RYK: variants seen among roughly 807,000 people sequenced by gnomAD.
RYK encodes the protein receptor like tyrosine kinase.
A neutral mutation model predicts 70.2 loss-of-function variants in RYK; 21 were observed. The observed-to-expected ratio is 0.30, with a 90% CI of 0.21 to 0.43. RYK has a LOEUF of 0.43. RYK is among the 20% of genes least tolerant of loss of function. RYK has a pLI of 1.00. For synonymous variants in RYK, 267 were observed against 278.0 expected, an observed-to-expected ratio of 0.96 and a Z score of 0.39; for missense variants, 604 against 753.3, an observed-to-expected ratio of 0.80 and a Z score of 2.32.
At chr3:134,188,811 G>T in intron 9 of RYK, 26 bp downstream of exon 9, 1 of 1,395,212 alleles carries the variant, frequency 7.2e-7, no homozygotes, top group East Asian at 2.3e-5. Flanking sequence ...GAGCATCATG[G>T]AAATACTATG....
chr3:134,231,122 A>G (rs888880109), intron 1 of RYK, among the ~76,000 whole-genome samples: 2 of 151,912 alleles, frequency 1.3e-5, no homozygotes, highest in South Asian at 4.2e-4. Context: ...TATCAAGAGC[A>G]TCTAGGAGTT....
intron 12 of RYK, 57 bp downstream of exon 12, chr3:134,175,873 C>T: frequency 1.3e-6 from 2 of 1,553,816 alleles, no homozygotes; most frequent in Non-Finnish European, 1.8e-6. Context: ...TCGCAGAGAA[C>T]CCCAAATCCA....
chr3:134,227,244 T>C (rs887829730), intron 1 of RYK, among the ~76,000 whole-genome samples: 7 of 152,122 alleles, frequency 4.6e-5, no homozygotes, highest in African/African-American at 1.7e-4. Flanking sequence ...CACTGAAAAC[T>C]ATAAAACATG....
intron 4 of RYK, among the ~76,000 whole-genome samples, chr3:134,208,741 A>G (rs571256929): frequency 2.6e-5 from 4 of 152,218 alleles, no homozygotes; most frequent in African/African-American, 9.6e-5. Flanking sequence ...TCCTAGCTGC[A>G]CCACTTAGCT....
At chr3:134,235,731 T>C (rs1333813610) in intron 1 of RYK, among the ~76,000 whole-genome samples, 1 of 152,078 alleles carries the variant, frequency 6.6e-6, no homozygotes. Flanking sequence ...ACAGCAGGGG[T>C]TATTACTGTC....
chr3:134,167,563 A>C (rs921636315), intron 13 of RYK, among the ~76,000 whole-genome samples: 1 of 152,222 alleles, frequency 6.6e-6, no homozygotes, highest in Admixed American at 6.5e-5. Flanking sequence ...GTGAAACTGG[A>C]TAGCCATATG....
In RYK at chr3:134,174,452, C is replaced by A. The variant is rs186705972; in HGVS notation, c.1575+1157G>T. On this transcript the variant is annotated intron_variant, in intron 13 of 14. Coordinates refer to ENST00000623711, the MANE Select transcript of RYK (RefSeq NM_002958.4). ...CACACTTTGAAACAAAAGAGTAGCC[C>A]TAAATTTTAAAATATAGACACACAA... Among the ~76,000 whole-genome samples the A allele has an allele frequency of 2.0e-3, 309 of 152,114 alleles. 1 individual carries two copies. Among genetic ancestry groups the A allele is most frequent in the Non-Finnish European group, 1.1e-3 (76 of 67,982 alleles).
chr3:134,236,960 T>C (rs1473058611), intron 1 of RYK, among the ~76,000 whole-genome samples: 1 of 152,180 alleles, frequency 6.6e-6, no homozygotes, highest in Non-Finnish European at 1.5e-5. Flanking sequence ...AGACTTAAAT[T>C]TCCCATTGCC....
rs2012318171 is a variant in RYK at position 134,158,212 on chromosome 3, A to T, written c.1765T>A (p.Phe589Ile). 6.3e-7 allele frequency: 1 copy of T among 1,578,242 alleles called. No homozygotes were observed. Among genetic ancestry groups the T allele is most frequent in the South Asian group, 1.2e-5 (1 of 84,862 alleles). The part of the protein sequence containing the change: ...WALDPEERPK[F>I]QQLVQCLTEF... ...GTTAGGCACTGTACCAGCTGCTGAA[A>T]CTTGGGCCTCTCCTCTGGATCTAAG... Residue 589 changes from phenylalanine to isoleucine, a missense_variant, in exon 15 of 15, where the codon TTT becomes ATT. Transcript: ENST00000623711.
rs1431905899 is a variant in RYK at position 134,188,925 on chromosome 3, TAAAAGG to T, written c.1016-8_1016-3del. On this transcript the variant is annotated splice_polypyrimidine_tract_variant and splice_region_variant and intron_variant, in intron 8 of 14. Coordinates refer to ENST00000623711, the MANE Select transcript of RYK (RefSeq NM_002958.4). ...CATGGAAAATACGCCCAAAAGTACC[TAAAAGG>T]AAAAGTAATAATTAATGAGATCATA... 2.0e-6 allele frequency: 3 copies of T among 1,503,006 alleles called. No homozygotes were observed. In the African/African-American group the frequency reaches 4.2e-5, roughly 21 times the overall value. 93.1% of individuals were successfully genotyped at this position (1,503,006 alleles called of 1,614,324 possible). A position where few individuals can be genotyped will look rare whatever the true frequency, so the allele number is the denominator to read the frequency against.
chr3:134,210,356 C>A (rs1010844237), intron 3 of RYK, among the ~76,000 whole-genome samples: 2 of 152,136 alleles, frequency 1.3e-5, no homozygotes. Flanking sequence ...TGATTTTAAT[C>A]CATAATTGTA....
chr3:134,247,892 T>C (rs1035992399), intron 1 of RYK, among the ~76,000 whole-genome samples: 2 of 152,222 alleles, frequency 1.3e-5, no homozygotes, highest in African/African-American at 4.8e-5. Context: ...GTTCGTTTCC[T>C]ATGCCAGCGT....
At chr3:134,189,731 A>G (rs1200909736) in intron 8 of RYK, among the ~76,000 whole-genome samples, 2 of 127,358 alleles carry the variant, frequency 1.6e-5, no homozygotes, top group Non-Finnish European at 3.2e-5. Context: ...CAACAGAACG[A>G]GACTCCGCCA....
intron 13 of RYK, among the ~76,000 whole-genome samples, chr3:134,172,376 AG>A (rs1335938861): frequency 6.6e-6 from 1 of 152,218 alleles, no homozygotes; most frequent in Non-Finnish European, 1.5e-5. Context: ...CTACAACCAA[AG>A]CCAAACCAAT....
intron 5 of RYK, among the ~76,000 whole-genome samples, chr3:134,206,976 T>C (rs2014230749): frequency 6.6e-6 from 1 of 151,900 alleles, no homozygotes; most frequent in Non-Finnish European, 1.5e-5. Context: ...GATGTCTTCA[T>C]GTCAGAAAAA....
intron 6 of RYK, among the ~76,000 whole-genome samples, chr3:134,202,129 C>T (rs2014046906): frequency 6.6e-6 from 1 of 152,174 alleles, no homozygotes; most frequent in Non-Finnish European, 1.5e-5. Flanking sequence ...GTTCCCAGCA[C>T]TTAGCATAGT....
chr3:134,232,793 G>C (rs2015096786), intron 1 of RYK, among the ~76,000 whole-genome samples: 1 of 152,202 alleles, frequency 6.6e-6, no homozygotes. Flanking sequence ...CTTTTAAGTG[G>C]TAAGTAAGAT....
At chr3:134,179,289 C>G (rs975637725) in intron 10 of RYK, 2 of 152,142 alleles carry the variant, frequency 1.3e-5, no homozygotes, top group Non-Finnish European at 2.9e-5. Context: ...CTTAATTGAG[C>G]ATGTATCACT....
rs374574792 is a variant in RYK, at chr3:134,222,482, G to C, written c.290C>G (p.Ser97Cys). 6.2e-7 allele frequency: 1 copy of C among 1,613,424 alleles called. No homozygotes were observed. Among genetic ancestry groups the C allele is most frequent in the Non-Finnish European group, 8.5e-7 (1 of 1,179,502 alleles). Residue 97 changes from serine (S) to cysteine (C), a missense_variant, in exon 2 of 15, where the codon TCC becomes TGC. Ser to Cys is a moderately radical substitution (Grantham distance 112, BLOSUM62 -1). Transcript: ENST00000623711. ...CTCACTGGGTACTAACAGACTAAAG[G>C]ATAGAGCGTAGTGACTAATAAGGTC... ...RNDLISHYAL[S>C]FSLLVPSETN...
Sources: allele counts gnomAD v4.1 joint callset (sites outside exome capture counted in the v4.1 genomes callset), GRCh38; gene constraint gnomAD v4.1.1; transcripts MANE v1.5; gene names NCBI Gene and HGNC (gene_info 2026-07-23, HGNC 2026-07-21).